Variants in PRKRA observed in about 807,000 individuals in gnomAD.
PRKRA encodes the protein interferon-inducible double-stranded RNA-dependent protein kinase activator A.
PRKRA carries 22 observed loss-of-function variants against 32.4 expected under a neutral mutation model. The ratio of observed to expected loss-of-function variants is 0.68; its 90% CI spans 0.49 to 0.97. PRKRA has a LOEUF of 0.97. PRKRA is among the 50% of genes least tolerant of loss of function. PRKRA has a pLI of 0.00. For missense variants in PRKRA, 319 were observed against 375.6 expected, an observed-to-expected ratio of 0.85 and a Z score of 1.25; for synonymous variants, 139 against 129.8, an observed-to-expected ratio of 1.07 and a Z score of -0.48.
chr2:178,442,647 T>G (rs543230788), intron 5 of PRKRA, among the ~76,000 whole-genome samples: 1 of 152,336 alleles, frequency 6.6e-6, no homozygotes, highest in African/African-American at 2.4e-5. Context: ...CAAAGGCAAA[T>G]AGTTTCTTAT....
At chr2:178,436,007 G>C in intron 7 of PRKRA, 138 bp downstream of exon 7, 1 of 726,558 alleles carries the variant, frequency 1.4e-6, no homozygotes, top group Non-Finnish European at 2.2e-6. Context: ...TACTGGCCTA[G>C]TAATTATATA....
chr2:178,432,401 C>A (rs1696699683), intron 7 of PRKRA, 147 bp from the exon 8 acceptor site: 1 of 1,083,082 alleles, frequency 9.2e-7, no homozygotes, highest in Non-Finnish European at 1.4e-6. Context: ...TTTGCTTGTA[C>A]AAACAAAAAA....
At chr2:178,435,878 TAGAAC>T (rs1294786077) in intron 7 of PRKRA, among the ~76,000 whole-genome samples, 1 of 152,234 alleles carries the variant, frequency 6.6e-6, no homozygotes, top group Non-Finnish European at 1.5e-5. Context: ...CGTGTAATCT[TAGAAC>T]AGTGTCTGGC....
chr2:178,434,347 G>A (rs1370193025), intron 7 of PRKRA, among the ~76,000 whole-genome samples: 1 of 151,830 alleles, frequency 6.6e-6, no homozygotes, highest in Non-Finnish European at 1.5e-5. Context: ...CTGACCTCAG[G>A]TGATCTGCCC....
At chr2:178,440,411 T>C (rs1697067404) in intron 6 of PRKRA, among the ~76,000 whole-genome samples, 1 of 152,216 alleles carries the variant, frequency 6.6e-6, no homozygotes. Flanking sequence ...GAATCTGAAG[T>C]TATATATCAT....
At chr2:178,444,795 T>C (rs952588212) in intron 3 of PRKRA, among the ~76,000 whole-genome samples, 25 of 152,216 alleles carry the variant, frequency 1.6e-4, no homozygotes, top group African/African-American at 5.8e-4. Context: ...TACCATAAAT[T>C]ATATACTCTT....
intron 1 of PRKRA, chr2:178,450,667 C>A (rs1028673892): frequency 5.6e-6 from 8 of 1,425,586 alleles, no homozygotes; most frequent in African/African-American, 2.9e-5. Context: ...CTCAACAGAA[C>A]AGGGCTGGCA....
chr2:178,448,612 T>C (rs1697408660), intron 2 of PRKRA, among the ~76,000 whole-genome samples: 4 of 151,816 alleles, frequency 2.6e-5, no homozygotes, highest in Admixed American at 2.6e-4. Context: ...GAATGAACAC[T>C]GGTTGTAATG....
chr2:178,447,686 C>G, intron 2 of PRKRA, 100 bp from the exon 3 acceptor site: 1 of 1,040,038 alleles, frequency 9.6e-7, no homozygotes, highest in South Asian at 1.6e-5. Context: ...ATAGATTTTA[C>G]ATACACATAC....
chr2:178,431,832 T>G lies in PRKRA; in HGVS notation c.*265A>C, dbSNP rs886055201. The G allele has an allele frequency of 1.5e-4, 72 of 488,590 alleles. No individual in the cohort carries two copies. Among genetic ancestry groups the G allele is most frequent in the Non-Finnish European group, 2.4e-4 (65 of 270,872 alleles). 30.3% of individuals were successfully genotyped at this position (488,590 alleles called of 1,614,324 possible). ...CAACAACAAACATGCAGTTTCTTTC[T>G]CTGATGTGCATGGCACTGTAAAATG... On this transcript the variant is annotated 3_prime_UTR_variant, in exon 8 of 8. Transcript: ENST00000325748.
At position 178,447,439 on chromosome 2, in the gene PRKRA, C is replaced by A; in HGVS notation, c.317+66G>T. On this transcript the variant is annotated intron_variant, in intron 3 of 7. Coordinates refer to ENST00000325748, the MANE Select transcript of PRKRA (RefSeq NM_003690.5). ...ACTTTGTTGCTTTTGTAAGCATGTT[C>A]AAATTTTTAATCTTACCTCAGCCAT... 2.3e-6 allele frequency: 3 copies of A among 1,321,796 alleles called. No individual in the cohort carries two copies. In the South Asian group the frequency reaches 4.3e-5, roughly 19 times the overall value. The allele number at this position is 1,321,796 out of a possible 1,614,324, so 81.9% of individuals were successfully genotyped here.
At position 178,447,551 on chromosome 2, in the gene PRKRA, CT is replaced by C. The variant is rs1435443967; in HGVS notation, c.270del (p.Ala91LeufsTer6). The part of the protein sequence containing the change: ...EGTSKKLAKH[R>X]AAEAAINILK... ...AAAATGTTTATGGCAGCCTCTGCAG[CT>C]CTATGTTTCGCCAGCTTCTTACTTG... On this transcript the variant is annotated frameshift_variant, in exon 3 of 8. Coordinates refer to ENST00000325748, the MANE Select transcript of PRKRA (RefSeq NM_003690.5). LOFTEE classifies it high-confidence loss of function. 2 of 1,614,134 alleles carry C rather than the reference CT, an allele frequency of 1.2e-6. No individual in the cohort carries two copies. Among genetic ancestry groups the C allele is most frequent in the East Asian group, 4.5e-5 (2 of 44,870 alleles).
At chr2:178,437,267 T>C (rs1696938404) in intron 6 of PRKRA, among the ~76,000 whole-genome samples, 2 of 152,312 alleles carry the variant, frequency 1.3e-5, no homozygotes, top group South Asian at 4.1e-4. Flanking sequence ...AACAAATATA[T>C]AATGAAGAGT....
intron 3 of PRKRA, 90 bp downstream of exon 3, chr2:178,447,415 C>A: frequency 5.2e-6 from 7 of 1,346,064 alleles, no homozygotes; most frequent in Non-Finnish European, 5.9e-6. Context: ...CAACTGTTCA[C>A]TTTGTTGCTT....
At chr2:178,443,497 A>G (rs1697197999) in intron 4 of PRKRA, 113 bp from the exon 5 acceptor site, 1 of 548,412 alleles carries the variant, frequency 1.8e-6, no homozygotes, top group Admixed American at 2.8e-5. Context: ...GAATAGTGAT[A>G]TTCTGCAACA....
intron 6 of PRKRA, 128 bp downstream of exon 6, chr2:178,441,482 A>C (rs1697111715): frequency 1.2e-6 from 1 of 801,916 alleles, no homozygotes; most frequent in Admixed American, 2.2e-5. Context: ...GGTAGGGTAT[A>C]ACTGAATAAT....
At chr2:178,449,092 A>T (rs1256972335) in intron 2 of PRKRA, among the ~76,000 whole-genome samples, 1 of 152,220 alleles carries the variant, frequency 6.6e-6, no homozygotes, top group East Asian at 1.9e-4. Flanking sequence ...GGAGGCAGAT[A>T]AGCTTGCACA....
At chr2:178,443,918 A>G (rs1269839878) in intron 4 of PRKRA, 2 of 172,822 alleles carry the variant, frequency 1.2e-5, no homozygotes, top group African/African-American at 4.8e-5. Flanking sequence ...ATGGCCTAAC[A>G]GAGCACATGG....
rs763011040 is a variant in PRKRA at position 178,443,340 on chromosome 2, A to C, written c.441T>G (p.Leu147=). ...TATGAGCAGGTCCTCCCTCCTGGGAAAGGGTATATTCAGGAAGTCTCCAGC... is the reference window on the plus strand; with the variant it reads ...TATGAGCAGGTCCTCCCTCCTGGGACAGGGTATATTCAGGAAGTCTCCAGC... ...HHGWRLPEYT[L]SQEGGPAHKR... Residue 147 remains leucine (L), a synonymous_variant, in exon 5 of 8, where the codon CTT becomes CTG. Transcript: ENST00000325748. 151 of 1,613,260 alleles carry C rather than the reference A, an allele frequency of 9.4e-5. 1 individual carries two copies. The East Asian group carries it at 3.3e-3, about 35-fold the overall frequency.
Sources: allele counts gnomAD v4.1 joint callset (sites outside exome capture counted in the v4.1 genomes callset), GRCh38; gene constraint gnomAD v4.1.1; transcripts MANE v1.5; gene names NCBI Gene and HGNC (gene_info 2026-07-23, HGNC 2026-07-21).